Variants in RIMS1 observed in about 807,000 individuals in gnomAD.
RIMS1 encodes regulating synaptic membrane exocytosis protein 1.
RIMS1 carries 83 observed loss-of-function variants against 214.1 expected under a neutral mutation model. The ratio of observed to expected loss-of-function variants is 0.39; its 90% CI spans 0.32 to 0.47. The LOEUF is 0.47. Among genes scored for constraint, RIMS1 ranks in the 20% least tolerant of loss-of-function variants. The pLI, the probability that RIMS1 is intolerant of heterozygous loss-of-function variation, is 0.99. For missense variants in RIMS1, 2,050 were observed against 2,161.8 expected (o/e 0.95, Z 1.03); for synonymous variants, 793 against 786.8 (o/e 1.01, Z -0.13).
chr6:72,329,869 G>A (rs2096600437), intron 28 of RIMS1, among the ~76,000 whole-genome samples: 1 of 151,702 alleles, frequency 6.6e-6, no homozygotes, highest in Non-Finnish European at 1.5e-5. Context: ...ATGTTTGAGA[G>A]CCTTATTAGA....
intron 4 of RIMS1, among the ~76,000 whole-genome samples, chr6:72,147,030 A>G (rs56335063): frequency 0.21 from 32,339 of 152,162 alleles, 4,097 homozygotes; most frequent in Non-Finnish European, 0.27. Flanking sequence ...AAGCCAAAGA[A>G]GCAGTTTATG....
chr6:72,243,005 A>G (rs1209656707), intron 10 of RIMS1, among the ~76,000 whole-genome samples: 2 of 151,778 alleles, frequency 1.3e-5, no homozygotes, highest in African/African-American at 2.4e-5. Context: ...TTAATTATCT[A>G]TAGCCAGTGG....
intron 2 of RIMS1, among the ~76,000 whole-genome samples, chr6:72,042,206 C>T (rs1411855938): frequency 6.6e-6 from 1 of 151,856 alleles, no homozygotes; most frequent in African/African-American, 2.4e-5. Context: ...GCTAAAGTGT[C>T]TTGTATTAAT....
intron 6 of RIMS1, among the ~76,000 whole-genome samples, chr6:72,201,214 A>G (rs1445971630): frequency 6.6e-6 from 1 of 152,226 alleles, no homozygotes. Context: ...CTAAATTAAC[A>G]TCAGGGCTAC....
intron 2 of RIMS1, among the ~76,000 whole-genome samples, chr6:72,057,442 T>C (rs1186732167): frequency 6.6e-6 from 1 of 151,986 alleles, no homozygotes; most frequent in Non-Finnish European, 1.5e-5. Flanking sequence ...CCTTCTCTAC[T>C]AGTTAAAGGT....
At chr6:72,109,772 TG>T (rs1441341535) in intron 4 of RIMS1, among the ~76,000 whole-genome samples, 1 of 152,204 alleles carries the variant, frequency 6.6e-6, no homozygotes, top group African/African-American at 2.4e-5. Context: ...ATGAAGTCCT[TG>T]CCCATGCCTG....
chr6:71,944,177 A>G (rs953249322), intron 1 of RIMS1, among the ~76,000 whole-genome samples: 5 of 152,184 alleles, frequency 3.3e-5, no homozygotes, highest in African/African-American at 1.2e-4. Flanking sequence ...CATCTTCATA[A>G]TGCGTCTTAT....
At chr6:72,284,212 A>C in intron 24 of RIMS1, 94 bp downstream of exon 24, 2 of 1,039,090 alleles carry the variant, frequency 1.9e-6, no homozygotes, top group Non-Finnish European at 2.9e-6. Context: ...GTTCTTAAAC[A>C]CAAATTGTGA....
chr6:72,175,185 C>T (rs2047531427), intron 4 of RIMS1, among the ~76,000 whole-genome samples: 1 of 152,068 alleles, frequency 6.6e-6, no homozygotes. Flanking sequence ...TCATGTTTTT[C>T]AAAATGGTAC....
At chr6:72,241,621 T>A (rs2066954177) in intron 9 of RIMS1, among the ~76,000 whole-genome samples, 1 of 152,172 alleles carries the variant, frequency 6.6e-6, no homozygotes, top group Non-Finnish European at 1.5e-5. Flanking sequence ...GTGTTCTAAT[T>A]GTACTTTAAT....
intron 2 of RIMS1, among the ~76,000 whole-genome samples, chr6:72,002,934 A>G (rs1265935934): frequency 6.6e-6 from 1 of 152,198 alleles, no homozygotes; most frequent in African/African-American, 2.4e-5. Context: ...GTGGGTCTGA[A>G]GCTGCTAGTC....
Position 71,989,714 on chromosome 6 carries a change from G to A in RIMS1, c.245+20651G>A, listed in dbSNP as rs77849960. ...TAGATATATGTTGAGCATCTGCTAC[G>A]TACCAGGTACCGTGCTAGCAACCAG... On this transcript the variant is annotated intron_variant, in intron 2 of 33. Transcript: ENST00000521978. Among the ~76,000 whole-genome samples the A allele has an allele frequency of 4.4e-3, 670 of 152,240 alleles. 5 individuals are homozygous for A. The highest frequency in any genetic ancestry group is 6.4e-3 in the Non-Finnish European group (437 of 68,000).
intron 31 of RIMS1, among the ~76,000 whole-genome samples, chr6:72,395,493 CTT>C (rs1455325880): frequency 3.3e-5 from 5 of 151,954 alleles, no homozygotes; most frequent in Non-Finnish European, 5.9e-5. Context: ...ATAAACTAAA[CTT>C]AAGAATTCAA....
At chr6:72,316,910 C>T in intron 28 of RIMS1, 1 of 770,736 alleles carries the variant, frequency 1.3e-6, no homozygotes, top group Non-Finnish European at 2.3e-6. Flanking sequence ...TGGACAGCCA[C>T]CCAAGAACTG....
intron 28 of RIMS1, among the ~76,000 whole-genome samples, chr6:72,315,559 C>G (rs1382074536): frequency 6.6e-6 from 1 of 152,134 alleles, no homozygotes. Flanking sequence ...CATATTTGCT[C>G]TTAGAATAAT....
At chr6:72,158,941 T>C (rs1484348726) in intron 4 of RIMS1, among the ~76,000 whole-genome samples, 2 of 140,146 alleles carry the variant, frequency 1.4e-5, no homozygotes, top group Admixed American at 1.5e-4. Context: ...GGTCAAATGG[T>C]ATTTCTAGTT....
At chr6:72,234,153 T>A (rs779449968) in intron 7 of RIMS1, among the ~76,000 whole-genome samples, 2 of 151,998 alleles carry the variant, frequency 1.3e-5, no homozygotes, top group Non-Finnish European at 2.9e-5. Flanking sequence ...AAATTTTAAT[T>A]AATTCCATTT....
chr6:72,093,642 G>C (rs1234021807), intron 2 of RIMS1, among the ~76,000 whole-genome samples: 1 of 151,810 alleles, frequency 6.6e-6, no homozygotes, highest in Non-Finnish European at 1.5e-5. Context: ...TATAACATTT[G>C]TGATTCCTCA....
chr6:72,346,846 T>C (rs1339226), intron 29 of RIMS1, among the ~76,000 whole-genome samples: 29,189 of 151,744 alleles, frequency 0.19, 3,479 homozygotes, highest in Middle Eastern at 0.27. Flanking sequence ...TGGCTACTTG[T>C]GTGCTACAAA....
Sources: gnomAD v4.1 joint callset for allele counts (sites outside exome capture counted in the v4.1 genomes callset) on GRCh38, gnomAD v4.1.1 for gene constraint, MANE v1.5 for transcripts, NCBI Gene and HGNC (gene_info 2026-07-23, HGNC 2026-07-21) for gene names.